LARP4: variants seen among roughly 807,000 people sequenced by gnomAD.
LARP4 encodes la-related protein 4.
Under a neutral mutation model 92.9 loss-of-function variants are expected in LARP4, and 29 were observed. The observed-to-expected ratio is 0.31, with a 90% CI of 0.23 to 0.43. The LOEUF is 0.43. LARP4 is among the 20% of genes least tolerant of loss of function. The pLI is 1.00. For synonymous variants in LARP4, 279 were observed against 284.1 expected (o/e 0.98, Z 0.18); for missense variants, 732 against 860.0 (o/e 0.85, Z 1.86).
At chr12:50,418,484 C>A (rs1947219481) in intron 1 of LARP4, among the ~76,000 whole-genome samples, 1 of 152,088 alleles carries the variant, frequency 6.6e-6, no homozygotes, top group Non-Finnish European at 1.5e-5. Context: ...CTGAGAATTC[C>A]TCACGGCTCT....
chr12:50,462,060 T>C (rs1955475624), intron 11 of LARP4, among the ~76,000 whole-genome samples: 1 of 152,198 alleles, frequency 6.6e-6, no homozygotes, highest in African/African-American at 2.4e-5. Flanking sequence ...ACAAATGGGC[T>C]CATCTTACTT....
intron 2 of LARP4, among the ~76,000 whole-genome samples, chr12:50,428,368 A>G (rs879654133): frequency 1.2e-4 from 18 of 152,016 alleles, no homozygotes; most frequent in Non-Finnish European, 2.6e-4. Context: ...ATATTTATCA[A>G]TTTTTCTTCC....
At chr12:50,453,825 AT>A (rs1346383516) in intron 9 of LARP4, among the ~76,000 whole-genome samples, 153 bp downstream of exon 9, 1 of 151,708 alleles carries the variant, frequency 6.6e-6, no homozygotes, top group Non-Finnish European at 1.5e-5. Context: ...TAGAGATGGA[AT>A]TTTGCCATGT....
At chr12:50,429,249 A>G (rs910813614) in intron 3 of LARP4, among the ~76,000 whole-genome samples, 159 bp downstream of exon 3, 3 of 152,198 alleles carry the variant, frequency 2.0e-5, no homozygotes, top group Non-Finnish European at 4.4e-5. Flanking sequence ...CATTGTTTTC[A>G]GATAACATGA....
At position 50,478,331 on chromosome 12, in the gene LARP4, GTGTA is replaced by G. The variant is rs1023673144; in HGVS notation, c.*2471_*2474del. 7 of 152,074 alleles carry G rather than the reference GTGTA, an allele frequency of 4.6e-5. 1 individual carries two copies. In the Middle Eastern group the frequency reaches 0.02, roughly 443 times the overall value. The allele number at this position is 152,074 out of a possible 1,614,324, so 9.4% of individuals were successfully genotyped here. On this transcript the variant is annotated 3_prime_UTR_variant, in exon 16 of 16. Transcript: ENST00000398473. The stretch of plus-strand genomic sequence containing the variant: ...GGGAAGAGTGAGAGAGTGTGTGTGT[GTGTA>G]TGTGTGTGTAATATTTATATATATT...
chr12:50,461,322 C>G lies in LARP4; in HGVS notation c.1309C>G (p.Gln437Glu). The G allele has an allele frequency of 1.9e-6, 3 of 1,613,984 alleles. No individual in the cohort carries two copies. The highest frequency in any genetic ancestry group is 2.5e-6 in the Non-Finnish European group (3 of 1,179,976). ...QKETSTLQVE[Q>E]NGDYGRGRRT... ...GGAGACTTCCACTTTGCAGGTGGAA[C>G]AGAATGGGGACTATGGTAGGGGCAG... Residue 437 changes from glutamine (Q) to glutamate (E), a missense_variant, in exon 11 of 16, where the codon CAG becomes GAG. Around this residue, in one of 7 missense-constraint regions of LARP4, gnomAD observed 264 missense variants for 269.5 expected, o/e 0.98. Transcript: ENST00000398473.
At chr12:50,401,187 C>T (rs1044020403) in intron 1 of LARP4, 159 bp downstream of exon 1, 2 of 776,752 alleles carry the variant, frequency 2.6e-6, no homozygotes, top group Middle Eastern at 2.7e-4. Flanking sequence ...CAGCTTCCCT[C>T]TGCGCGCTCA....
intron 10 of LARP4, among the ~76,000 whole-genome samples, chr12:50,460,387 G>A (rs1250259901): frequency 6.6e-6 from 1 of 152,094 alleles, no homozygotes; most frequent in South Asian, 2.1e-4. Flanking sequence ...GAATTCAGTT[G>A]TGCAATCATA....
chr12:50,402,383 T>A (rs937225228), intron 1 of LARP4, among the ~76,000 whole-genome samples: 89 of 152,216 alleles, frequency 5.8e-4, no homozygotes, highest in African/African-American at 2.1e-3. Context: ...TTTTCTGTCC[T>A]CATTGTTGTT....
chr12:50,434,160 T>G (rs1025736413), intron 4 of LARP4, among the ~76,000 whole-genome samples: 1 of 151,856 alleles, frequency 6.6e-6, no homozygotes, highest in Non-Finnish European at 1.5e-5. Flanking sequence ...AATGCTGGGG[T>G]GGTTGCAGTT....
intron 10 of LARP4, among the ~76,000 whole-genome samples, chr12:50,457,444 T>G (rs1258707532): frequency 6.6e-6 from 1 of 152,028 alleles, no homozygotes; most frequent in Non-Finnish European, 1.5e-5. Flanking sequence ...TGACCTCAGG[T>G]GATCTACCCG....
chr12:50,417,736 C>A (rs993215678), intron 1 of LARP4, among the ~76,000 whole-genome samples: 1 of 152,120 alleles, frequency 6.6e-6, no homozygotes, highest in Non-Finnish European at 1.5e-5. Flanking sequence ...ACTCTGTTAC[C>A]CAGGCTGAAG....
Position 50,446,423 on chromosome 12 carries a change from ATATATAT to A in LARP4, c.804+4782_804+4788del, listed in dbSNP as rs1458383292. ...TCTCTCTCTCTCTATATATATATAT[ATATATAT>A]TTTTTTTTTTTTTTATAGACGGAGT... On this transcript the variant is annotated intron_variant, in intron 8 of 15. Transcript: ENST00000398473. Among the ~76,000 whole-genome samples the A allele has an allele frequency of 5.3e-4, 6 of 11,228 alleles. 1 individual carries two copies. Among genetic ancestry groups the A allele is most frequent in the African/African-American group, 6.3e-4 (2 of 3,162 alleles). The allele number at this position is 11,228 out of a possible 152,430, so 7.4% of individuals were successfully genotyped here.
intron 1 of LARP4, among the ~76,000 whole-genome samples, chr12:50,417,367 T>A (rs1946997930): frequency 6.6e-6 from 1 of 151,082 alleles, no homozygotes; most frequent in Non-Finnish European, 1.5e-5. Context: ...AGAGCAAAAC[T>A]CTGTCTCAAA....
intron 3 of LARP4, among the ~76,000 whole-genome samples, chr12:50,429,487 A>G (rs376155254): frequency 4.6e-5 from 7 of 152,192 alleles, no homozygotes; most frequent in Non-Finnish European, 5.9e-5. Context: ...GCATGCACCT[A>G]TAATCCCAAG....
chr12:50,420,223 T>C (rs1438011417), intron 1 of LARP4, among the ~76,000 whole-genome samples: 7 of 152,042 alleles, frequency 4.6e-5, no homozygotes, highest in African/African-American at 1.7e-4. Flanking sequence ...CTTAGAAACT[T>C]ACTAGACAAG....
chr12:50,419,992 G>GT (rs1947467510), intron 1 of LARP4, among the ~76,000 whole-genome samples: 2 of 152,198 alleles, frequency 1.3e-5, no homozygotes, highest in Non-Finnish European at 2.9e-5. Flanking sequence ...TATGAAGGAT[G>GT]TAAGTCATTA....
chr12:50,441,352 G>A (rs1274188094), intron 7 of LARP4: 4 of 340,356 alleles, frequency 1.2e-5, no homozygotes, highest in Non-Finnish European at 2.2e-5. Flanking sequence ...TTTTGGGTCT[G>A]TTTTCAATCC....
At chr12:50,449,171 A>G (rs996350990) in intron 8 of LARP4, among the ~76,000 whole-genome samples, 9 of 151,596 alleles carry the variant, frequency 5.9e-5, no homozygotes, top group African/African-American at 1.9e-4. Flanking sequence ...TGATCCTTGG[A>G]GGAGGAGGTT....
Sources: gnomAD v4.1 joint callset for allele counts (sites outside exome capture counted in the v4.1 genomes callset) on GRCh38, gnomAD v4.1.1 for gene constraint, gnomAD v4.1.1 regional missense constraint, MANE v1.5 for transcripts, NCBI Gene and HGNC (gene_info 2026-07-23, HGNC 2026-07-21) for gene names.